Variants in TACR3 observed in about 807,000 individuals in gnomAD.
TACR3 encodes tachykinin receptor 3, also known as neuromedin-K receptor.
A neutral mutation model predicts 35.0 loss-of-function variants in TACR3; 34 were observed. That is an observed-to-expected ratio of 0.97 (90% CI 0.74 to 1.30). The LOEUF (loss-of-function observed/expected upper bound fraction) is 1.30, where lower values mean the gene tolerates loss of function less well. Among genes scored for constraint, TACR3 ranks in the 50% most tolerant of loss-of-function variants. The pLI is 0.00. For synonymous variants in TACR3, 233 were observed against 221.1 expected, an observed-to-expected ratio of 1.05 and a Z score of -0.48; for missense variants, 558 against 591.7, an observed-to-expected ratio of 0.94 and a Z score of 0.59.
chr4:103,679,798 A>G (rs541860753), intron 1 of TACR3, among the ~76,000 whole-genome samples: 2 of 152,006 alleles, frequency 1.3e-5, no homozygotes, highest in African/African-American at 4.8e-5. Context: ...TTTGTAATGA[A>G]AGCTCTCCAT....
rs1725030089 is a variant in TACR3 at position 103,630,354 on chromosome 4, A to G, written c.888+25840T>C. On this transcript the variant is annotated intron_variant, in intron 3 of 4. Transcript: ENST00000304883. The stretch of plus-strand genomic sequence containing the variant: ...TTGACAAATGGGATCTAATTAAACT[A>G]AAGAGCTTCTGTACAGCAAAAGAAA... 3.9e-5 allele frequency among the ~76,000 whole-genome samples: 6 copies of G among 152,214 alleles called. No individual in the cohort carries two copies. The South Asian group carries it at 1.2e-3, about 32-fold the overall frequency.
intron 3 of TACR3, among the ~76,000 whole-genome samples, chr4:103,654,921 G>A (rs1725701379): frequency 6.6e-6 from 1 of 152,126 alleles, no homozygotes; most frequent in Non-Finnish European, 1.5e-5. Flanking sequence ...GTTCATGTAA[G>A]AGGGCCATGT....
chr4:103,711,780 A>G (rs759769024), intron 1 of TACR3, among the ~76,000 whole-genome samples: 9 of 152,176 alleles, frequency 5.9e-5, no homozygotes, highest in Non-Finnish European at 8.8e-5. Context: ...CAAGCTGATA[A>G]GCAACTTCAG....
Position 103,596,267 on chromosome 4 carries a change from G to T in TACR3, c.889-4584C>A, listed in dbSNP as rs544935757. On this transcript the variant is annotated intron_variant, in intron 3 of 4. Transcript: ENST00000304883. ...TTATAATCCTTTGGGTATATACCCA[G>T]TAATGGGATGGCTGGGTCAAATGGT... Among the ~76,000 whole-genome samples, 9 of 152,130 alleles carry T rather than the reference G, an allele frequency of 5.9e-5. 1 individual carries two copies. In the South Asian group the frequency reaches 1.9e-3, roughly 32 times the overall value.
chr4:103,602,662 C>G (rs928193179), intron 3 of TACR3, among the ~76,000 whole-genome samples: 7 of 152,102 alleles, frequency 4.6e-5, no homozygotes, highest in African/African-American at 1.7e-4. Flanking sequence ...CACTGCAGAC[C>G]CTGTTTGCCT....
chr4:103,614,149 G>A (rs1016287950), intron 3 of TACR3, among the ~76,000 whole-genome samples: 22 of 145,838 alleles, frequency 1.5e-4, no homozygotes, highest in Admixed American at 1.5e-3. Context: ...ATTTATGAAT[G>A]TTTAGTTCTA....
At chr4:103,640,962 C>CA (rs542881975) in intron 3 of TACR3, among the ~76,000 whole-genome samples, 2 of 151,644 alleles carry the variant, frequency 1.3e-5, no homozygotes, top group African/African-American at 2.4e-5. Context: ...AGGCTAAACC[C>CA]AAAAAAATAA....
rs1413409463 is a variant in TACR3 at position 103,701,292 on chromosome 4, A to T, written c.548+17836T>A. On this transcript the variant is annotated intron_variant, in intron 1 of 4. Transcript: ENST00000304883. ...AGAGCCAAATCATGAGTGAACTCCC[A>T]TTCACAATTGCTTCAAAGAGAATAA... is the stretch of plus-strand genomic sequence containing the variant. Among the ~76,000 whole-genome samples, 11 of 152,020 alleles carry T rather than the reference A, an allele frequency of 7.2e-5. No homozygotes were observed. In the South Asian group the frequency reaches 1.0e-3, roughly 14 times the overall value.
chr4:103,709,645 C>T lies in TACR3; in HGVS notation c.548+9483G>A, dbSNP rs549667417. 1.1e-4 allele frequency among the ~76,000 whole-genome samples: 16 copies of T among 152,224 alleles called. No homozygotes were observed. The South Asian group carries it at 1.4e-3, about 14-fold the overall frequency. ...AACATCATAATGACAGGATCAAATTCGCACATAACAATATTAACCTTAAAT... is the reference window on the plus strand; with the variant it reads ...AACATCATAATGACAGGATCAAATTTGCACATAACAATATTAACCTTAAAT... On this transcript the variant is annotated intron_variant, in intron 1 of 4. Coordinates refer to ENST00000304883, the MANE Select transcript of TACR3 (RefSeq NM_001059.3).
chr4:103,655,111 C>T (rs1725704871), intron 3 of TACR3, among the ~76,000 whole-genome samples: 1 of 152,124 alleles, frequency 6.6e-6, no homozygotes, highest in South Asian at 2.1e-4. Context: ...CTCATTCTTA[C>T]TTTTTGTTTT....
At chr4:103,708,204 T>C (rs1475331359) in intron 1 of TACR3, among the ~76,000 whole-genome samples, 1 of 152,178 alleles carries the variant, frequency 6.6e-6, no homozygotes, top group Non-Finnish European at 1.5e-5. Flanking sequence ...GACTGCCTCC[T>C]TAAGTGGGTC....
chr4:103,634,053 C>A (rs549451846), intron 3 of TACR3, among the ~76,000 whole-genome samples: 1 of 152,210 alleles, frequency 6.6e-6, no homozygotes, highest in South Asian at 2.1e-4. Flanking sequence ...GCTGGTTATA[C>A]TTCTAATGCA....
chr4:103,595,993 A>C (rs1227901192), intron 3 of TACR3, among the ~76,000 whole-genome samples: 1 of 149,080 alleles, frequency 6.7e-6, no homozygotes, highest in Admixed American at 6.8e-5. Flanking sequence ...GAGTGAGAAT[A>C]TGTGGTGTTT....
Position 103,627,113 on chromosome 4 carries a change from C to T in TACR3, c.888+29081G>A, listed in dbSNP as rs1347824560. On this transcript the variant is annotated intron_variant, in intron 3 of 4. Coordinates refer to ENST00000304883, the MANE Select transcript of TACR3 (RefSeq NM_001059.3). ...AGGAGAATCACTTGAACTCAGGAGG[C>T]GGAGGTTGCCGTGAGCCGAGATCAT... Among the ~76,000 whole-genome samples the T allele has an allele frequency of 4.1e-5, 5 of 121,156 alleles. No homozygotes were observed. The East Asian group carries it at 1.2e-3, about 28-fold the overall frequency. The allele number at this position is 121,156 out of a possible 152,430, so 79.5% of individuals were successfully genotyped here. A position where few individuals can be genotyped will look rare whatever the true frequency, so the allele number is the denominator to read the frequency against.
intron 1 of TACR3, among the ~76,000 whole-genome samples, chr4:103,679,109 T>C (rs995953664): frequency 1.3e-4 from 20 of 152,070 alleles, no homozygotes; most frequent in African/African-American, 4.8e-4. Flanking sequence ...TTTCATAAAG[T>C]GCTAACTGAC....
chr4:103,606,570 T>G (rs1334395839), intron 3 of TACR3, among the ~76,000 whole-genome samples: 1 of 152,214 alleles, frequency 6.6e-6, no homozygotes, highest in East Asian at 1.9e-4. Context: ...CCTAGGTATT[T>G]TATTTTCTTT....
rs1723829430 is a variant in TACR3 at position 103,588,713 on chromosome 4, C to T, written c.*969G>A. 6.6e-6 allele frequency: 1 copy of T among 152,036 alleles called. No individual in the cohort carries two copies. Among genetic ancestry groups the T allele is most frequent in the African/African-American group, 2.4e-5 (1 of 41,430 alleles). The allele number at this position is 152,036 out of a possible 1,614,324, so 9.4% of individuals were successfully genotyped here. ...TGTAACATATATTGGTATTTTTCAA[C>T]CATATAGTCTTTTGTCACACTTGTG... On this transcript the variant is annotated 3_prime_UTR_variant, in exon 5 of 5. Transcript: ENST00000304883.
intron 3 of TACR3, among the ~76,000 whole-genome samples, chr4:103,594,620 C>A (rs890824250): frequency 5.9e-5 from 9 of 152,096 alleles, no homozygotes; most frequent in Non-Finnish European, 8.8e-5. Context: ...TCCCTATGCA[C>A]AAAATTGTTT....
intron 3 of TACR3, among the ~76,000 whole-genome samples, chr4:103,633,150 C>G (rs1339953014): frequency 6.6e-6 from 1 of 152,044 alleles, no homozygotes. Context: ...GACACACCCT[C>G]TAAGCCTTAG....
Sources: allele counts gnomAD v4.1 joint callset (sites outside exome capture counted in the v4.1 genomes callset), GRCh38; gene constraint gnomAD v4.1.1; transcripts MANE v1.5; gene names NCBI Gene and HGNC (gene_info 2026-07-23, HGNC 2026-07-21).